AGMO: variants seen among roughly 807,000 people sequenced by gnomAD.
AGMO encodes the protein glyceryl-ether monooxygenase.
Under a neutral mutation model 60.2 loss-of-function variants are expected in AGMO, and 75 were observed. The ratio of observed to expected loss-of-function variants is 1.25; its 90% CI spans 1.03 to 1.51. The LOEUF is 1.51. Ranked by LOEUF, AGMO falls within the 40% of genes most tolerant of loss-of-function variation. The pLI is 0.00. For synonymous variants in AGMO, 261 were observed against 177.1 expected, an observed-to-expected ratio of 1.47 and a Z score of -3.76; for missense variants, 763 against 525.5, an observed-to-expected ratio of 1.45 and a Z score of -4.42.
rs775057626 is a variant in AGMO, at chr7:15,342,172, TAAA to T, written c.1263+23339_1263+23341del. Among the ~76,000 whole-genome samples the T allele has an allele frequency of 6.1e-4, 33 of 54,298 alleles. 1 individual carries two copies. The highest frequency in any genetic ancestry group is 2.4e-3 in the African/African-American group (26 of 10,744). 35.6% of individuals were successfully genotyped at this position (54,298 alleles called of 152,430 possible). On this transcript the variant is annotated intron_variant, in intron 12 of 12. Transcript: ENST00000342526. Reference sequence around the variant, plus strand: ...AGCTGAGAGTAGATACCCACAGAGTTAAAAAAAAAAAAAAAAAAAAAAAAGGAC... The same window carrying T: ...AGCTGAGAGTAGATACCCACAGAGTTAAAAAAAAAAAAAAAAAAAAAGGAC...
chr7:15,561,631 G>A (rs1785308929), intron 1 of AGMO, 89 bp downstream of exon 1: 10 of 1,204,868 alleles, frequency 8.3e-6, no homozygotes, highest in Non-Finnish European at 1.1e-5. Context: ...TTTGAATAAT[G>A]AAAGTGAACA....
intron 2 of AGMO, among the ~76,000 whole-genome samples, chr7:15,553,113 T>C (rs1039899074): frequency 8.7e-5 from 13 of 149,906 alleles, no homozygotes; most frequent in East Asian, 5.9e-4. Context: ...TAGGTGGGAA[T>C]TGAACAATGA....
downstream of AGMO, among the ~76,000 whole-genome samples, chr7:15,198,477 G>A (rs941543347): frequency 2.6e-5 from 4 of 152,126 alleles, no homozygotes; most frequent in African/African-American, 9.7e-5. Context: ...AAATGTAATC[G>A]CCCAATGGGT....
chr7:15,314,724 T>G (rs1780865263), intron 12 of AGMO, among the ~76,000 whole-genome samples: 2 of 152,156 alleles, frequency 1.3e-5, no homozygotes, highest in South Asian at 4.1e-4. Context: ...GTGAGTATAT[T>G]ACCTTATATG....
chr7:15,282,453 G>C (rs1354163939), intron 12 of AGMO, among the ~76,000 whole-genome samples: 1 of 152,078 alleles, frequency 6.6e-6, no homozygotes, highest in Non-Finnish European at 1.5e-5. Context: ...TTTGACAACA[G>C]ACTAGACCAA....
At chr7:15,340,882 G>T (rs533915117) in intron 12 of AGMO, among the ~76,000 whole-genome samples, 3 of 152,116 alleles carry the variant, frequency 2.0e-5, no homozygotes, top group African/African-American at 7.2e-5. Flanking sequence ...GAGGGCCACC[G>T]TTCTCGAGAC....
chr7:15,477,113 T>C (rs76360914), intron 3 of AGMO, among the ~76,000 whole-genome samples: 1 of 150,254 alleles, frequency 6.7e-6, no homozygotes, highest in Non-Finnish European at 1.5e-5. Flanking sequence ...TATCACAGAC[T>C]ATTTATTTTA....
At chr7:15,467,130 C>A (rs1383071885) in intron 3 of AGMO, among the ~76,000 whole-genome samples, 1 of 152,092 alleles carries the variant, frequency 6.6e-6, no homozygotes, top group Non-Finnish European at 1.5e-5. Context: ...AAATCCTATT[C>A]AGTGTAATAG....
the AGMO span, among the ~76,000 whole-genome samples, chr7:15,118,311 T>C: frequency 2.6e-5 from 4 of 151,940 alleles, no homozygotes; most frequent in Non-Finnish European, 2.9e-5. Context: ...AAATCAGATA[T>C]TGACCATAAT....
intron 3 of AGMO, among the ~76,000 whole-genome samples, chr7:15,526,150 G>A (rs780197055): frequency 6.6e-6 from 1 of 152,188 alleles, no homozygotes; most frequent in Non-Finnish European, 1.5e-5. Context: ...TAGATGGGGT[G>A]TCTCCTGCAG....
chr7:15,339,698 A>C (rs1483468305), intron 12 of AGMO, among the ~76,000 whole-genome samples: 1 of 152,186 alleles, frequency 6.6e-6, no homozygotes, highest in East Asian at 1.9e-4. Context: ...ATGATGTAAA[A>C]ATCTAGGGAC....
chr7:15,298,430 T>C (rs1784465425), intron 12 of AGMO, among the ~76,000 whole-genome samples: 1 of 152,180 alleles, frequency 6.6e-6, no homozygotes, highest in Non-Finnish European at 1.5e-5. Flanking sequence ...GGTCTCACTC[T>C]GTCACCAAGG....
At chr7:15,131,791 A>ACACAC in the AGMO span, among the ~76,000 whole-genome samples, 2 of 108,528 alleles carry the variant, frequency 1.8e-5, no homozygotes, top group Non-Finnish European at 4.1e-5. Context: ...CACACACACA[A>ACACAC]ACAAGGTAGG....
chr7:15,529,703 T>A (rs866554053), intron 3 of AGMO, among the ~76,000 whole-genome samples: 6 of 118,664 alleles, frequency 5.1e-5, no homozygotes, highest in African/African-American at 1.3e-4. Context: ...ATATTCCATA[T>A]ATACTATATA....
At chr7:15,530,904 C>T (rs1784300099) in intron 3 of AGMO, among the ~76,000 whole-genome samples, 1 of 135,744 alleles carries the variant, frequency 7.4e-6, no homozygotes, top group South Asian at 2.2e-4. Flanking sequence ...GGAATACAGA[C>T]CATTTTTGTT....
the AGMO span, among the ~76,000 whole-genome samples, chr7:15,195,135 G>C: frequency 6.6e-6 from 1 of 152,136 alleles, no homozygotes; most frequent in Non-Finnish European, 1.5e-5. Context: ...GAAGAAGCCA[G>C]AAGTGTAAAA....
intron 12 of AGMO, among the ~76,000 whole-genome samples, chr7:15,228,542 T>C (rs1583308748): frequency 6.6e-6 from 1 of 151,806 alleles, no homozygotes; most frequent in Admixed American, 6.6e-5. Context: ...AAATAAAATA[T>C]GAAGGGTTAG....
In AGMO at chr7:15,418,641, G is replaced by A. The variant is rs199947500; in HGVS notation, c.526C>T (p.Pro176Ser). 15 of 1,558,296 alleles carry A rather than the reference G, an allele frequency of 9.6e-6. No homozygotes were observed. Among genetic ancestry groups the A allele is most frequent in the South Asian group, 1.2e-5 (1 of 82,650 alleles). Reference sequence around the variant, plus strand: ...GAAGGGGGTATGAAGAGGGCCAGGGGAGAGTAGAAAATCTGAAAGAAAAAA... The same window carrying A: ...GAAGGGGGTATGAAGAGGGCCAGGGAAGAGTAGAAAATCTGAAAGAAAAAA... Reference protein sequence around the residue: ...QIYTSWIFYSPLALFIPPSVY... With the variant: ...QIYTSWIFYSSLALFIPPSVY... The change falls in exon 5 of 13, where the codon CCC (proline) becomes TCC (serine). Residue 176 changes from proline (P) to serine (S), a missense_variant. Pro to Ser is a moderately conservative substitution (Grantham distance 74). Coordinates refer to ENST00000342526, the MANE Select transcript of AGMO (RefSeq NM_001004320.2).
chr7:15,354,447 T>TGC, intron 12 of AGMO, among the ~76,000 whole-genome samples: 1 of 18,782 alleles, frequency 5.3e-5, no homozygotes, highest in East Asian at 1.8e-3. Flanking sequence ...TATACACACG[T>TGC]GTGTGTATAC....
Sources: gnomAD v4.1 joint callset for allele counts (sites outside exome capture counted in the v4.1 genomes callset) on GRCh38, gnomAD v4.1.1 for gene constraint, MANE v1.5 for transcripts, NCBI Gene and HGNC (gene_info 2026-07-23, HGNC 2026-07-21) for gene names.